Variants in RARB observed in about 807,000 individuals in gnomAD.
RARB encodes the protein retinoic acid receptor beta, also known as HBV-activated protein.
A neutral mutation model predicts 51.9 loss-of-function variants in RARB; 17 were observed. The ratio of observed to expected loss-of-function variants is 0.33; its 90% CI spans 0.22 to 0.49. The LOEUF (loss-of-function observed/expected upper bound fraction) is 0.49, where lower values mean the gene tolerates loss of function less well. Ranked by LOEUF, RARB falls within the 20% of genes least tolerant of loss-of-function variation. The pLI is 0.99. For synonymous variants in RARB, 215 were observed against 195.4 expected (o/e 1.10, Z -0.84); for missense variants, 369 against 550.8 (o/e 0.67, Z 3.30).
chr3:25,366,996 G>A (rs1706141251), intron 5 of RARB, among the ~76,000 whole-genome samples: 1 of 151,994 alleles, frequency 6.6e-6, no homozygotes, highest in Admixed American at 6.6e-5. Context: ...AGAAAGGAGA[G>A]GAAAGGATGA....
chr3:25,254,744 G>A (rs186433867), intron 5 of RARB, among the ~76,000 whole-genome samples: 2 of 152,206 alleles, frequency 1.3e-5, no homozygotes, highest in African/African-American at 2.4e-5. Context: ...TGGGTCCAAA[G>A]GGGGAGATAA....
chr3:24,984,203 C>T lies in RARB; in HGVS notation c.-379-75922C>T, dbSNP rs187292155. Among the ~76,000 whole-genome samples the T allele has an allele frequency of 1.7e-3, 256 of 152,164 alleles. 2 individuals are homozygous for T. In the South Asian group the frequency reaches 0.024, roughly 14 times the overall value. On this transcript the variant is annotated intron_variant, in intron 2 of 11. Transcript: ENST00000383772. ...AAACCAGTGAAGGTGTTCATCACAGCGCAAAAGTAACCTAAATGGCAAAGA... is the reference window on the plus strand; with the variant it reads ...AAACCAGTGAAGGTGTTCATCACAGTGCAAAAGTAACCTAAATGGCAAAGA...
chr3:25,554,655 G>C (rs574128791), intron 3 of RARB, among the ~76,000 whole-genome samples: 2 of 152,124 alleles, frequency 1.3e-5, no homozygotes, highest in Non-Finnish European at 2.9e-5. Flanking sequence ...TCACAGTGCC[G>C]GGCACAGAGT....
chr3:25,222,903 T>C (rs1168267621), intron 5 of RARB, among the ~76,000 whole-genome samples: 1 of 152,224 alleles, frequency 6.6e-6, no homozygotes, highest in African/African-American at 2.4e-5. Flanking sequence ...TAAATTACTT[T>C]GCAAAAAGAG....
At chr3:25,392,898 T>G (rs1707007402) in intron 5 of RARB, among the ~76,000 whole-genome samples, 1 of 152,190 alleles carries the variant, frequency 6.6e-6, no homozygotes, top group African/African-American at 2.4e-5. Flanking sequence ...CTTGTCTGAT[T>G]GCTCTGGCTA....
intron 4 of RARB, among the ~76,000 whole-genome samples, chr3:25,159,359 G>T (rs575313083): frequency 5.3e-5 from 8 of 150,876 alleles, no homozygotes; most frequent in Admixed American, 2.6e-4. Flanking sequence ...AGTAGAGACC[G>T]GGTTTCTCCA....
chr3:24,882,743 C>T (rs552296034), intron 2 of RARB, among the ~76,000 whole-genome samples: 1 of 152,246 alleles, frequency 6.6e-6, no homozygotes, highest in East Asian at 1.9e-4. Context: ...ACAGACATTC[C>T]CCATGTCTCT....
rs183211999 is a variant in RARB, at chr3:25,032,700, A to G, written c.-379-27425A>G. Among the ~76,000 whole-genome samples the G allele has an allele frequency of 2.6e-5, 4 of 152,314 alleles. No individual in the cohort carries two copies. The East Asian group carries it at 7.7e-4, about 29-fold the overall frequency. Reference sequence around the variant, plus strand: ...GGTGAAAGTATAAAATTGATGGAACATAGATGGAAGGGAGGGTATTTCAGC... The same window carrying G: ...GGTGAAAGTATAAAATTGATGGAACGTAGATGGAAGGGAGGGTATTTCAGC... On this transcript the variant is annotated intron_variant, in intron 2 of 11. Coordinates refer to the RARB transcript ENST00000383772.
chr3:25,301,609 G>T (rs561028319), intron 5 of RARB, among the ~76,000 whole-genome samples: 2 of 152,232 alleles, frequency 1.3e-5, no homozygotes, highest in South Asian at 4.1e-4. Flanking sequence ...ATTCTGGCAG[G>T]TGTTCCATCT....
At chr3:25,417,986 C>T (rs542571177) in intron 5 of RARB, among the ~76,000 whole-genome samples, 43 of 149,230 alleles carry the variant, frequency 2.9e-4, no homozygotes, top group African/African-American at 9.0e-4. Flanking sequence ...TGCTGTCCTC[C>T]TCTCTGGTTT....
At chr3:25,284,970 C>G (rs1005381532) in intron 5 of RARB, among the ~76,000 whole-genome samples, 3 of 152,196 alleles carry the variant, frequency 2.0e-5, no homozygotes, top group African/African-American at 7.2e-5. Flanking sequence ...TATAGCAGCT[C>G]TGTGAGATAG....
rs574797578 is a variant in RARB, at chr3:24,892,533, T to C, written c.-380+33781T>C. 1.2e-4 allele frequency among the ~76,000 whole-genome samples: 18 copies of C among 152,336 alleles called. No homozygotes were observed. The East Asian group carries it at 1.9e-3, about 16-fold the overall frequency. On this transcript the variant is annotated intron_variant, in intron 2 of 11. Transcript: ENST00000383772. ...GCAACCTCAATCAATAGTTAAGATA[T>C]GAGGCTTTTGCAAATTTGTCTGTGA...
chr3:24,995,498 T>C (rs1697002184), intron 2 of RARB, among the ~76,000 whole-genome samples: 1 of 152,108 alleles, frequency 6.6e-6, no homozygotes, highest in Non-Finnish European at 1.5e-5. Context: ...GGACTTCCCG[T>C]ACTGTGTAGA....
chr3:25,421,963 C>T (rs1222123930), intron 5 of RARB, among the ~76,000 whole-genome samples: 1 of 152,120 alleles, frequency 6.6e-6, no homozygotes, highest in Non-Finnish European at 1.5e-5. Flanking sequence ...TGCAATAGAG[C>T]TTTCTGCAAT....
intron 3 of RARB, among the ~76,000 whole-genome samples, chr3:25,122,698 C>A (rs1271375892): frequency 6.6e-6 from 1 of 152,114 alleles, no homozygotes; most frequent in Non-Finnish European, 1.5e-5. Flanking sequence ...GCAAGTAAGG[C>A]TGGAAAATGT....
At chr3:25,406,285 A>C (rs1051965885) in intron 5 of RARB, among the ~76,000 whole-genome samples, 1 of 152,228 alleles carries the variant, frequency 6.6e-6, no homozygotes, top group African/African-American at 2.4e-5. Flanking sequence ...TAGGAAGGGC[A>C]TTCACTCCAA....
At chr3:25,021,945 C>T (rs150700514) in intron 2 of RARB, among the ~76,000 whole-genome samples, 1 of 152,042 alleles carries the variant, frequency 6.6e-6, no homozygotes, top group East Asian at 1.9e-4. Context: ...GAGTTAGGCA[C>T]CAAGTAGTAA....
intron 1 of RARB, among the ~76,000 whole-genome samples, chr3:25,455,613 C>A (rs1694866083): frequency 6.6e-6 from 1 of 152,190 alleles, no homozygotes; most frequent in Admixed American, 6.5e-5. Context: ...TCTCATCTTC[C>A]CTGAGGCTCA....
chr3:25,196,015 C>T (rs908345595), intron 5 of RARB, among the ~76,000 whole-genome samples: 5 of 151,838 alleles, frequency 3.3e-5, no homozygotes, highest in African/African-American at 7.3e-5. Context: ...AAAAATTCTT[C>T]GTGGTCAGCA....
Sources: gnomAD v4.1 joint callset for allele counts (sites outside exome capture counted in the v4.1 genomes callset) on GRCh38, gnomAD v4.1.1 for gene constraint, MANE v1.5 for transcripts, NCBI Gene and HGNC (gene_info 2026-07-23, HGNC 2026-07-21) for gene names.